HMGXB4: variants seen among roughly 807,000 people sequenced by gnomAD.
The protein encoded by HMGXB4 is HMG domain-containing protein 4.
HMGXB4 carries 27 observed loss-of-function variants against 63.9 expected under a neutral mutation model. The observed-to-expected ratio is 0.42, with a 90% CI of 0.31 to 0.58. The LOEUF (loss-of-function observed/expected upper bound fraction) is 0.58. Among genes scored for constraint, HMGXB4 ranks in the 20% least tolerant of loss-of-function variants. The probability of loss-of-function intolerance (pLI) is 0.13; values close to 1 mark genes in which losing one functional copy is unlikely to be tolerated. For synonymous variants in HMGXB4, 264 were observed against 265.3 expected, an observed-to-expected ratio of 0.99 and a Z score of 0.05; for missense variants, 624 against 700.7, an observed-to-expected ratio of 0.89 and a Z score of 1.24.
chr22:35,255,869 G>T (rs1372224550), upstream of HMGXB4, among the ~76,000 whole-genome samples: 1 of 152,264 alleles, frequency 6.6e-6, no homozygotes, highest in Non-Finnish European at 1.5e-5. Context: ...ACGTCAGGCA[G>T]GGTGTCCCAG....
chr22:35,262,162 A>G (rs914487673), intron 1 of HMGXB4, 161 bp from the exon 2 acceptor site: 2 of 562,286 alleles, frequency 3.6e-6, no homozygotes, highest in Non-Finnish European at 6.4e-6. Context: ...TGCAGTATCA[A>G]CCCCACTGTA....
the HMGXB4 span, among the ~76,000 whole-genome samples, chr22:35,241,748 T>G: frequency 1.1e-4 from 16 of 152,226 alleles, no homozygotes; most frequent in Non-Finnish European, 1.5e-5. Flanking sequence ...TTCCCACTTC[T>G]GCAGTTGGGG....
chr22:35,277,541 G>A (rs1386670299), intron 5 of HMGXB4, among the ~76,000 whole-genome samples: 1 of 152,128 alleles, frequency 6.6e-6, no homozygotes, highest in East Asian at 1.9e-4. Context: ...AAGAGATGGG[G>A]TTTCACCATA....
intron 1 of HMGXB4, among the ~76,000 whole-genome samples, chr22:35,260,968 G>A (rs1922805658): frequency 6.6e-6 from 1 of 152,096 alleles, no homozygotes; most frequent in Non-Finnish European, 1.5e-5. Context: ...GTGTCCTTCA[G>A]TATTTCTAAA....
chr22:35,286,097 CT>C, intron 7 of HMGXB4, 36 bp downstream of exon 7: 1 of 1,398,854 alleles, frequency 7.1e-7, no homozygotes, highest in Non-Finnish European at 1.0e-6. Context: ...TTTTTCAGTG[CT>C]TCTCGCCTTC....
rs565345183 is a variant in HMGXB4, at chr22:35,257,813, G to A, written c.-69+256G>A. 5.9e-5 allele frequency among the ~76,000 whole-genome samples: 9 copies of A among 152,140 alleles called. No homozygotes were observed. In the East Asian group the frequency reaches 1.7e-3, roughly 29 times the overall value. ...AAACGGGGAAGGCGGGAAAGCTGCG[G>A]GGCCGGGAGGGGGCGTGCGGCCGCC... On this transcript the variant is annotated intron_variant, in intron 1 of 10. Coordinates refer to ENST00000216106, the MANE Select transcript of HMGXB4 (RefSeq NM_001003681.3).
the HMGXB4 span, among the ~76,000 whole-genome samples, chr22:35,248,806 C>G: frequency 1.1e-4 from 16 of 152,228 alleles, no homozygotes; most frequent in East Asian, 1.2e-3. Flanking sequence ...AGGATCCCCC[C>G]CCATGATCCA....
the HMGXB4 span, among the ~76,000 whole-genome samples, chr22:35,246,242 T>G: frequency 6.6e-6 from 1 of 151,758 alleles, no homozygotes; most frequent in African/African-American, 2.4e-5. Context: ...CCACCGCCTA[T>G]TCTGTGGTGT....
chr22:35,270,856 T>C (rs571956076), intron 5 of HMGXB4, among the ~76,000 whole-genome samples: 14 of 152,340 alleles, frequency 9.2e-5, no homozygotes, highest in Non-Finnish European at 1.9e-4. Context: ...AACAAATATT[T>C]ATAGTGTATA....
Position 35,264,479 on chromosome 22 carries a change from G to GA in HMGXB4, c.260-167dup, listed in dbSNP as rs535239257. Among the ~76,000 whole-genome samples, 8 of 152,304 alleles carry GA rather than the reference G, an allele frequency of 5.3e-5. No homozygotes were observed. The East Asian group carries it at 1.5e-3, about 29-fold the overall frequency. Reference sequence around the variant, plus strand: ...TCAGAGGCAGACTCTACCAAGCCAAGAAGCACAAGGGCATCATTTCTCAAT... The same window carrying GA: ...TCAGAGGCAGACTCTACCAAGCCAAGAAAGCACAAGGGCATCATTTCTCAAT... On this transcript the variant is annotated intron_variant, in intron 4 of 10. Transcript: ENST00000216106.
chr22:35,254,060 AAC>A (rs1922296524), upstream of HMGXB4, among the ~76,000 whole-genome samples: 1 of 152,136 alleles, frequency 6.6e-6, no homozygotes, highest in South Asian at 2.1e-4. Flanking sequence ...CGCTGCTCAA[AAC>A]ACATCTGGAA....
the HMGXB4 span, among the ~76,000 whole-genome samples, chr22:35,245,558 C>A: frequency 6.6e-6 from 1 of 152,038 alleles, no homozygotes; most frequent in African/African-American, 2.4e-5. Flanking sequence ...CAATTGTCTT[C>A]TTTCATTCTG....
the HMGXB4 span, among the ~76,000 whole-genome samples, chr22:35,244,221 C>T: frequency 6.6e-6 from 1 of 151,904 alleles, no homozygotes; most frequent in Non-Finnish European, 1.5e-5. Context: ...CCCATGAATT[C>T]CTGAGACCCT....
At chr22:35,244,285 T>C in the HMGXB4 span, among the ~76,000 whole-genome samples, 1 of 103,968 alleles carries the variant, frequency 9.6e-6, no homozygotes, top group South Asian at 3.9e-4. Context: ...GGTTAATTTC[T>C]TTTTCTTTTT....
intron 3 of HMGXB4, 149 bp downstream of exon 3, chr22:35,263,375 C>T (rs1359287264): frequency 1.5e-6 from 1 of 677,334 alleles, no homozygotes; most frequent in Non-Finnish European, 2.4e-6. Flanking sequence ...CCTTCGACTC[C>T]CAGGTTCAAG....
intron 5 of HMGXB4, among the ~76,000 whole-genome samples, chr22:35,270,351 C>G (rs1214242683): frequency 6.6e-6 from 1 of 152,172 alleles, no homozygotes. Context: ...CCAGATGGGA[C>G]CATCTAGTTG....
upstream of HMGXB4, among the ~76,000 whole-genome samples, chr22:35,253,143 A>AG (rs1329368864): frequency 6.7e-5 from 10 of 148,328 alleles, 1 homozygote; most frequent in East Asian, 2.0e-3. Context: ...AAAAAAAAAA[A>AG]AAAAAAAGAA....
chr22:35,278,907 C>T (rs1222895513), intron 5 of HMGXB4, among the ~76,000 whole-genome samples: 3 of 149,860 alleles, frequency 2.0e-5, no homozygotes, highest in African/African-American at 4.9e-5. Flanking sequence ...ATTAGCCAGG[C>T]ATGGTGGCAC....
intron 9 of HMGXB4, among the ~76,000 whole-genome samples, chr22:35,290,374 G>A (rs779852069): frequency 2.0e-5 from 3 of 151,768 alleles, no homozygotes; most frequent in South Asian, 2.1e-4. Context: ...AGCCAGGCGC[G>A]GTGGCTCACG....
Sources: gnomAD v4.1 joint callset for allele counts (sites outside exome capture counted in the v4.1 genomes callset) on GRCh38, gnomAD v4.1.1 for gene constraint, MANE v1.5 for transcripts, NCBI Gene and HGNC (gene_info 2026-07-23, HGNC 2026-07-21) for gene names.